Variants in ZNRF2 observed in about 807,000 individuals in gnomAD.
The protein encoded by ZNRF2 is E3 ubiquitin-protein ligase ZNRF2.
In ZNRF2, 16 loss-of-function variants were observed where a neutral mutation model predicts 20.4. That is an observed-to-expected ratio of 0.79 (90% CI 0.53 to 1.19). ZNRF2 has a LOEUF of 1.19. Among genes scored for constraint, ZNRF2 ranks in the 50% most tolerant of loss-of-function variants. The pLI is 0.00. For synonymous variants in ZNRF2, 178 were observed against 144.9 expected (o/e 1.23, Z -1.64); for missense variants, 363 against 332.4 (o/e 1.09, Z -0.72).
chr7:30,318,264 A>G (rs1263213825), intron 1 of ZNRF2, among the ~76,000 whole-genome samples: 1 of 152,174 alleles, frequency 6.6e-6, no homozygotes, highest in East Asian at 1.9e-4. Context: ...CTGGCATCTC[A>G]TCTGTCTCTA....
chr7:30,285,960 C>A (rs1798780460), intron 1 of ZNRF2, 134 bp downstream of exon 1: 2 of 1,318,744 alleles, frequency 1.5e-6, no homozygotes. Context: ...GACCAGCCCG[C>A]GTCGGTCTCC....
chr7:30,344,689 C>A (rs1442318862), intron 2 of ZNRF2, among the ~76,000 whole-genome samples: 2 of 152,158 alleles, frequency 1.3e-5, no homozygotes, highest in Non-Finnish European at 2.9e-5. Context: ...CACTGCTAAT[C>A]CTTTTGCTTT....
At chr7:30,299,902 C>T (rs2128057365) in intron 1 of ZNRF2, among the ~76,000 whole-genome samples, 1 of 151,426 alleles carries the variant, frequency 6.6e-6, no homozygotes, top group East Asian at 2.0e-4. Context: ...GCCTCAGCCT[C>T]CCAAGTAGCT....
At chr7:30,327,573 C>T (rs531700009) in intron 2 of ZNRF2, among the ~76,000 whole-genome samples, 57 of 151,782 alleles carry the variant, frequency 3.8e-4, no homozygotes, top group African/African-American at 1.1e-3. Context: ...CCAAATATTT[C>T]GAATTTTAAA....
intron 2 of ZNRF2, among the ~76,000 whole-genome samples, chr7:30,333,526 C>T (rs558222656): frequency 2.0e-5 from 3 of 152,020 alleles, no homozygotes; most frequent in African/African-American, 7.2e-5. Flanking sequence ...CCCACCACTA[C>T]GCCTGGCTAA....
chr7:30,344,723 T>G (rs1799850147), intron 2 of ZNRF2, among the ~76,000 whole-genome samples: 1 of 152,228 alleles, frequency 6.6e-6, no homozygotes, highest in Non-Finnish European at 1.5e-5. Flanking sequence ...GTCTCTTGGC[T>G]AGCTGAAGTT....
intron 2 of ZNRF2, among the ~76,000 whole-genome samples, chr7:30,324,849 T>C (rs1799528206): frequency 6.6e-6 from 1 of 152,114 alleles, no homozygotes; most frequent in Admixed American, 6.5e-5. Flanking sequence ...AGGGAACATA[T>C]ATGAGGAGTA....
At chr7:30,346,028 C>T (rs549867712) in intron 2 of ZNRF2, among the ~76,000 whole-genome samples, 2 of 151,756 alleles carry the variant, frequency 1.3e-5, no homozygotes, top group South Asian at 2.1e-4. Flanking sequence ...GAGTAATTTT[C>T]GTTGGACAGT....
At chr7:30,326,464 ATCT>A (rs1036081812) in intron 2 of ZNRF2, among the ~76,000 whole-genome samples, 1 of 152,076 alleles carries the variant, frequency 6.6e-6, no homozygotes, top group Non-Finnish European at 1.5e-5. Context: ...AGAGGACATG[ATCT>A]TCTTTTTTAT....
In ZNRF2 at chr7:30,366,178, A is replaced by T. The variant is rs944598016; in HGVS notation, c.*166A>T. On this transcript the variant is annotated 3_prime_UTR_variant, in exon 5 of 5. Coordinates refer to ENST00000323037, the MANE Select transcript of ZNRF2 (RefSeq NM_147128.4). Reference sequence around the variant, plus strand: ...CAGAGATGGACAATCGTACTGGGGTAAAAAAACCCTGCTGAAGAGAGGACA... The same window carrying T: ...CAGAGATGGACAATCGTACTGGGGTTAAAAAACCCTGCTGAAGAGAGGACA... 6.6e-6 allele frequency: 1 copy of T among 152,484 alleles called. No homozygotes were observed. The highest frequency in any genetic ancestry group is 1.5e-5 in the Non-Finnish European group (1 of 67,988). 9.4% of individuals were successfully genotyped at this position (152,484 alleles called of 1,614,324 possible).
At position 30,315,730 on chromosome 7, in the gene ZNRF2, G is replaced by C. The variant is rs574235481; in HGVS notation, c.470-7912G>C. Among the ~76,000 whole-genome samples the C allele has an allele frequency of 2.4e-3, 253 of 103,846 alleles. 10 individuals are homozygous for C. Among genetic ancestry groups the C allele is most frequent in the Non-Finnish European group, 3.7e-3 (185 of 50,142 alleles). 68.1% of individuals were successfully genotyped at this position (103,846 alleles called of 152,430 possible). A position where few individuals can be genotyped will look rare whatever the true frequency, so the allele number is the denominator to read the frequency against. On this transcript the variant is annotated intron_variant, in intron 1 of 4. Coordinates refer to ENST00000323037, the MANE Select transcript of ZNRF2 (RefSeq NM_147128.4). ...CTAACTAAAGAAAAAGGTGGGGCGG[G>C]GGGGGGGGGGTTGGGTATAAAGACG...
At chr7:30,299,712 G>A (rs1799077624) in intron 1 of ZNRF2, among the ~76,000 whole-genome samples, 1 of 150,482 alleles carries the variant, frequency 6.6e-6, no homozygotes, top group Non-Finnish European at 1.5e-5. Context: ...CATTTTGTAT[G>A]TGATTTTGTG....
intron 1 of ZNRF2, among the ~76,000 whole-genome samples, chr7:30,316,158 C>G (rs1799370222): frequency 6.6e-6 from 1 of 151,438 alleles, no homozygotes; most frequent in African/African-American, 2.4e-5. Context: ...CTTGGTGGTG[C>G]ATCCCTGTAA....
chr7:30,329,440 C>A (rs186403822), intron 2 of ZNRF2, among the ~76,000 whole-genome samples: 66 of 152,264 alleles, frequency 4.3e-4, no homozygotes, highest in African/African-American at 1.6e-3. Flanking sequence ...TTATATCCCC[C>A]TTCCCCAGTA....
chr7:30,329,247 G>A (rs900965520), intron 2 of ZNRF2, among the ~76,000 whole-genome samples: 1 of 152,072 alleles, frequency 6.6e-6, no homozygotes, highest in African/African-American at 2.4e-5. Flanking sequence ...GGATAATTGG[G>A]ACATCCATCA....
chr7:30,346,358 T>G (rs1799879637), intron 2 of ZNRF2, among the ~76,000 whole-genome samples: 1 of 151,768 alleles, frequency 6.6e-6, no homozygotes, highest in Admixed American at 6.6e-5. Context: ...CACGCCTGGC[T>G]AATTTTTGTA....
In ZNRF2 at chr7:30,297,987, C is replaced by G. The variant is rs140693912; in HGVS notation, c.469+12161C>G. 5.9e-5 allele frequency among the ~76,000 whole-genome samples: 9 copies of G among 152,152 alleles called. No individual in the cohort carries two copies. The East Asian group carries it at 1.7e-3, about 29-fold the overall frequency. ...TCAAGTGATCCTCCTGCCTCAGCCT[C>G]TTGAGTAGTTGGGACCACAGGTGCA... On this transcript the variant is annotated intron_variant, in intron 1 of 4. Transcript: ENST00000323037.
intron 1 of ZNRF2, among the ~76,000 whole-genome samples, chr7:30,297,401 C>T (rs144940048): frequency 1.8e-4 from 27 of 152,144 alleles, no homozygotes; most frequent in South Asian, 1.0e-3. Flanking sequence ...TGTTTTTAGC[C>T]GATACAATTT....
chr7:30,329,555 A>G (rs866051613), intron 2 of ZNRF2, among the ~76,000 whole-genome samples: 4 of 152,190 alleles, frequency 2.6e-5, no homozygotes, highest in East Asian at 1.9e-4. Flanking sequence ...AAAATATGCT[A>G]TAGTTGTCTT....
Sources: gnomAD v4.1 joint callset for allele counts (sites outside exome capture counted in the v4.1 genomes callset) on GRCh38, gnomAD v4.1.1 for gene constraint, MANE v1.5 for transcripts, NCBI Gene and HGNC (gene_info 2026-07-23, HGNC 2026-07-21) for gene names.